ZNF469: variants seen among roughly 807,000 people sequenced by gnomAD.
ZNF469 encodes the protein zinc finger protein 469.
ZNF469 carries 1 observed loss-of-function variant against 1.0 expected under a neutral mutation model. The ratio of observed to expected loss-of-function variants is 1.00; its 90% CI spans 0.35 to 4.73. The LOEUF is 4.73. Among genes scored for constraint, ZNF469 ranks in the 30% most tolerant of loss-of-function variants. ZNF469 has a pLI of 0.16. For missense variants in ZNF469, 6,100 were observed against 5,356.3 expected, an observed-to-expected ratio of 1.14 and a Z score of -4.33; for synonymous variants, 2,703 against 2,363.4, an observed-to-expected ratio of 1.14 and a Z score of -4.17.
At chr16:88,256,900 T>TTCTC in the ZNF469 span, among the ~76,000 whole-genome samples, 55 of 18,152 alleles carry the variant, frequency 3.0e-3, no homozygotes, top group African/African-American at 9.6e-3. Context: ...CTTTCCTTCT[T>TTCTC]TCTTTCTTTC....
At chr16:88,141,910 C>A in the ZNF469 span, among the ~76,000 whole-genome samples, 2 of 152,196 alleles carry the variant, frequency 1.3e-5, no homozygotes, top group African/African-American at 4.8e-5. Flanking sequence ...CCGTGAGAGC[C>A]GGTTGGGCTT....
chr16:88,378,951 C>T (rs2092515028), upstream of ZNF469, among the ~76,000 whole-genome samples: 1 of 152,204 alleles, frequency 6.6e-6, no homozygotes, highest in African/African-American at 2.4e-5. Context: ...GGCAGGGGTG[C>T]GGCCTTGCTC....
the ZNF469 span, among the ~76,000 whole-genome samples, chr16:88,111,774 C>CT: frequency 3.3e-5 from 5 of 152,038 alleles, no homozygotes; most frequent in African/African-American, 1.2e-4. Context: ...GTAGCTGAGA[C>CT]TACAGGTGCC....
chr16:88,370,538 C>T, the ZNF469 span, among the ~76,000 whole-genome samples: 11 of 152,170 alleles, frequency 7.2e-5, no homozygotes, highest in Admixed American at 2.0e-4. Context: ...GTGTCACCCA[C>T]GTCTGGGTTC....
At chr16:88,360,915 AG>A in the ZNF469 span, among the ~76,000 whole-genome samples, 1,595 of 152,334 alleles carry the variant, frequency 0.01, 64 homozygotes, top group East Asian at 0.11. Context: ...TTCATGGACA[AG>A]GGGTGAGGAG....
chr16:88,245,640 G>A, the ZNF469 span, among the ~76,000 whole-genome samples: 1 of 152,248 alleles, frequency 6.6e-6, no homozygotes, highest in Non-Finnish European at 1.5e-5. Flanking sequence ...CCCGAAGAGG[G>A]GAATTCTCAT....
At chr16:88,337,135 T>C in the ZNF469 span, among the ~76,000 whole-genome samples, 3 of 152,218 alleles carry the variant, frequency 2.0e-5, no homozygotes, top group African/African-American at 7.2e-5. Flanking sequence ...AGTGCCGCTA[T>C]GAACGTTCAC....
chr16:88,315,338 T>C, the ZNF469 span, among the ~76,000 whole-genome samples: 1 of 152,218 alleles, frequency 6.6e-6, no homozygotes, highest in African/African-American at 2.4e-5. Flanking sequence ...CACCATCCTG[T>C]GTGTCACTGT....
the ZNF469 span, among the ~76,000 whole-genome samples, chr16:88,319,696 C>T: frequency 1.9e-3 from 293 of 152,320 alleles, 2 homozygotes; most frequent in African/African-American, 6.6e-3. Context: ...GCAAACTCGA[C>T]GCCTTGGGTT....
the ZNF469 span, among the ~76,000 whole-genome samples, chr16:88,143,132 G>A: frequency 6.6e-6 from 1 of 151,860 alleles, no homozygotes; most frequent in African/African-American, 2.4e-5. Flanking sequence ...GAGAAGCCCT[G>A]GGGGGGTGGG....
At chr16:88,201,702 G>A in the ZNF469 span, among the ~76,000 whole-genome samples, 40 of 152,314 alleles carry the variant, frequency 2.6e-4, no homozygotes, top group South Asian at 1.2e-3. The surrounding 1 kb of genome is among the most constrained non-coding windows in gnomAD (Gnocchi z 5.0). Context: ...AGGGGTCTCC[G>A]GGTGTCCCTG....
At chr16:88,251,421 G>A in the ZNF469 span, among the ~76,000 whole-genome samples, 1 of 151,734 alleles carries the variant, frequency 6.6e-6, no homozygotes, top group Non-Finnish European at 1.5e-5. Flanking sequence ...CAGCAGCTCT[G>A]GAATCTGTTG....
chr16:88,109,486 T>C, the ZNF469 span, among the ~76,000 whole-genome samples: 9 of 151,164 alleles, frequency 6.0e-5, no homozygotes, highest in African/African-American at 1.7e-4. Flanking sequence ...CTGTCTCCTC[T>C]CCAGGATCAG....
chr16:88,252,084 G>A, the ZNF469 span, among the ~76,000 whole-genome samples: 17 of 147,434 alleles, frequency 1.2e-4, no homozygotes, highest in Middle Eastern at 3.4e-3. Context: ...ACGGCTTCAG[G>A]TGTCTGCCTC....
At chr16:88,117,979 G>C in the ZNF469 span, among the ~76,000 whole-genome samples, 1 of 152,246 alleles carries the variant, frequency 6.6e-6, no homozygotes, top group East Asian at 1.9e-4. Flanking sequence ...GTCTCGCTCT[G>C]TCGCCCAGGC....
At chr16:88,390,394 G>T (rs1156651027) in intron 1 of ZNF469, among the ~76,000 whole-genome samples, 1 of 152,184 alleles carries the variant, frequency 6.6e-6, no homozygotes, top group African/African-American at 2.4e-5. Flanking sequence ...AGAGGGGTTG[G>T]GGGAGGCAGG....
At chr16:88,345,560 G>T in the ZNF469 span, among the ~76,000 whole-genome samples, 1 of 151,970 alleles carries the variant, frequency 6.6e-6, no homozygotes, top group Non-Finnish European at 1.5e-5. Flanking sequence ...TCTGTAAGAC[G>T]AGAGGCCTCT....
At chr16:88,222,895 A>ATCC in the ZNF469 span, among the ~76,000 whole-genome samples, 3 of 152,330 alleles carry the variant, frequency 2.0e-5, no homozygotes, top group African/African-American at 7.2e-5. Context: ...CACCACACTC[A>ATCC]TCCCAAAGGA....
chr16:88,434,818 G>T lies in ZNF469; in HGVS notation c.7348G>T (p.Gly2450Cys). The stretch of plus-strand genomic sequence containing the variant: ...CCAAGACCTCAAACAGAGGTCCCGT[G>T]GCTATAAAAAGAAGCCTGCATCTAC... The part of the protein sequence containing the change: ...GPQDLKQRSR[G>C]YKKKPASTEN... Residue 2450 changes from glycine to cysteine, a missense_variant, in exon 3 of 3, where the codon GGC becomes TGC. Coordinates refer to ENST00000565624, the MANE Select transcript of ZNF469 (RefSeq NM_001367624.2). 6.5e-7 allele frequency: 1 copy of T among 1,550,338 alleles called. No individual in the cohort carries two copies. The highest frequency in any genetic ancestry group is 8.7e-7 in the Non-Finnish European group (1 of 1,146,972).
Sources: gnomAD v4.1 joint callset for allele counts (sites outside exome capture counted in the v4.1 genomes callset) on GRCh38, gnomAD v4.1.1 for gene constraint, Gnocchi (gnomAD v3.1) non-coding constraint, MANE v1.5 for transcripts, NCBI Gene and HGNC (gene_info 2026-07-23, HGNC 2026-07-21) for gene names.